Variants in KIF6 observed in about 807,000 individuals in gnomAD.
KIF6 encodes the protein kinesin family member 6, also known as kinesin-like protein KIF6.
Under a neutral mutation model 112.7 loss-of-function variants are expected in KIF6, and 106 were observed. The observed-to-expected ratio is 0.94, with a 90% CI of 0.80 to 1.11. KIF6 has a LOEUF of 1.11. Among genes scored for constraint, KIF6 ranks in the 50% least tolerant of loss-of-function variants. The pLI, the probability that KIF6 is intolerant of heterozygous loss-of-function variation, is 0.00. For synonymous variants in KIF6, 339 were observed against 339.9 expected (o/e 1.00, Z 0.03); for missense variants, 929 against 964.0 (o/e 0.96, Z 0.48).
chr6:39,489,155 A>G (rs894510020), intron 13 of KIF6, among the ~76,000 whole-genome samples: 22 of 152,196 alleles, frequency 1.4e-4, no homozygotes, highest in Admixed American at 3.3e-4. Context: ...GCTATCTTCT[A>G]CTTTCTCTTG....
At chr6:39,636,853 G>T (rs893171431) in intron 4 of KIF6, among the ~76,000 whole-genome samples, 3 of 151,948 alleles carry the variant, frequency 2.0e-5, no homozygotes, top group African/African-American at 7.2e-5. Flanking sequence ...TTTGAATATT[G>T]AAACTCCATT....
intron 13 of KIF6, 193 bp from the exon 14 acceptor site, chr6:39,431,354 C>T (rs779187624): frequency 1.2e-5 from 7 of 564,072 alleles, no homozygotes; most frequent in Admixed American, 6.1e-5. Context: ...CAGTGCCACC[C>T]GCTGCACCCC....
intron 4 of KIF6, among the ~76,000 whole-genome samples, chr6:39,635,602 G>A (rs1196166845): frequency 6.6e-6 from 1 of 152,058 alleles, no homozygotes; most frequent in Admixed American, 6.6e-5. Flanking sequence ...TTAGCTATTA[G>A]ATAGAGAGAA....
chr6:39,340,764 G>A (rs11759440), intron 22 of KIF6, among the ~76,000 whole-genome samples: 6,824 of 152,166 alleles, frequency 0.045, 231 homozygotes, highest in Non-Finnish European at 0.061. Flanking sequence ...CTGGACTTCC[G>A]CCTCTTCTGT....
chr6:39,651,417 G>A (rs1785463943), intron 3 of KIF6, among the ~76,000 whole-genome samples: 1 of 152,170 alleles, frequency 6.6e-6, no homozygotes, highest in Non-Finnish European at 1.5e-5. Context: ...GCGGGGGAGG[G>A]TAGCAGGTGG....
chr6:39,447,477 G>GTTATATTTAACATATTTTAA (rs1179397597), intron 13 of KIF6, among the ~76,000 whole-genome samples: 161 of 152,248 alleles, frequency 1.1e-3, no homozygotes, highest in Admixed American at 2.5e-3. Context: ...AATGTATGCT[G>GTTATATTTAACATATTTTAA]AATCGGTTAT....
At chr6:39,654,427 C>A (rs1785652976) in intron 3 of KIF6, among the ~76,000 whole-genome samples, 1 of 152,154 alleles carries the variant, frequency 6.6e-6, no homozygotes, top group Non-Finnish European at 1.5e-5. Flanking sequence ...CCCATTCTTT[C>A]CTGTCTGTCA....
At chr6:39,588,565 C>T (rs968128643) in intron 7 of KIF6, among the ~76,000 whole-genome samples, 2 of 151,998 alleles carry the variant, frequency 1.3e-5, no homozygotes, top group African/African-American at 4.8e-5. Context: ...CAATTTATAC[C>T]ATCAATCTCA....
At position 39,589,680 on chromosome 6, in the gene KIF6, G is replaced by A. The variant is rs1781826357; in HGVS notation, c.847-3276C>T. On this transcript the variant is annotated intron_variant, in intron 7 of 22. Transcript: ENST00000287152. ...TAAGGAGGAACATCAGATCTGCGGGGGGCATGGTGGCAGAGGCATCTGGTT... is the reference window on the plus strand; with the variant it reads ...TAAGGAGGAACATCAGATCTGCGGGAGGCATGGTGGCAGAGGCATCTGGTT... Among the ~76,000 whole-genome samples the A allele has an allele frequency of 1.3e-5, 2 of 152,168 alleles. 1 individual carries two copies. The highest frequency in any genetic ancestry group is 4.1e-4 in the South Asian group (2 of 4,826).
Position 39,333,387 on chromosome 6 carries a change from T to C in KIF6, c.*3145A>G, listed in dbSNP as rs561011006. 2.0e-5 allele frequency: 3 copies of C among 152,266 alleles called. No individual in the cohort carries two copies. The highest frequency in any genetic ancestry group is 4.4e-5 in the Non-Finnish European group (3 of 68,076). 9.4% of individuals were successfully genotyped at this position (152,266 alleles called of 1,614,324 possible). A position where few individuals can be genotyped will look rare whatever the true frequency, so the allele number is the denominator to read the frequency against. ...TGCCAATAGGTCTTTGGGTGAGCCA[T>C]AGTTCAGCTGATCTGGGCTGGGCTT... On this transcript the variant is annotated 3_prime_UTR_variant, in exon 23 of 23. Coordinates refer to ENST00000287152, the MANE Select transcript of KIF6 (RefSeq NM_145027.6).
At chr6:39,470,789 C>T (rs1774078773) in intron 13 of KIF6, among the ~76,000 whole-genome samples, 1 of 145,688 alleles carries the variant, frequency 6.9e-6, no homozygotes, top group Admixed American at 6.7e-5. Flanking sequence ...CTGGCCTTCC[C>T]AGCATGCAAA....
At position 39,496,447 on chromosome 6, in the gene KIF6, C is replaced by G. The variant is rs1274895079; in HGVS notation, c.1645+43556G>C. Among the ~76,000 whole-genome samples the G allele has an allele frequency of 2.0e-5, 3 of 152,260 alleles. No homozygotes were observed. In the East Asian group the frequency reaches 5.8e-4, roughly 29 times the overall value. Reference sequence around the variant, plus strand: ...TAAATATTAACACATTGAAGACTCACAGTACCCCTGTGAGGGCATAAGTAA... The same window carrying G: ...TAAATATTAACACATTGAAGACTCAGAGTACCCCTGTGAGGGCATAAGTAA... On this transcript the variant is annotated intron_variant, in intron 13 of 22. Coordinates refer to ENST00000287152, the MANE Select transcript of KIF6 (RefSeq NM_145027.6).
chr6:39,485,577 T>G (rs1016947476), intron 13 of KIF6, among the ~76,000 whole-genome samples: 2 of 152,112 alleles, frequency 1.3e-5, no homozygotes, highest in African/African-American at 4.8e-5. Flanking sequence ...GTTTAGCGAT[T>G]CTCAAGTGAA....
rs778625487 is a variant in KIF6 at position 39,357,331 on chromosome 6, A to C, written c.2126T>G (p.Phe709Cys). ...AVNSLDHTKP[F>C]LQTSDSQHEW... ...ATGCTGGGAGTCAGATGTCTGGAGA[A>C]ATGGCTTCGTGTGATCGAGTGAATT... is the stretch of plus-strand genomic sequence containing the variant. Residue 709 changes from phenylalanine to cysteine, a missense_variant, in exon 19 of 23, where the codon TTT (phenylalanine) becomes TGT (cysteine). This residue lies in a region of KIF6 where 241 missense variants were observed against 301.4 expected (regional missense o/e 0.80). Transcript: ENST00000287152. 4 of 1,614,072 alleles carry C rather than the reference A, an allele frequency of 2.5e-6. No individual in the cohort carries two copies. The highest frequency in any genetic ancestry group is 1.7e-5 in the Admixed American group (1 of 60,014).
intron 5 of KIF6, among the ~76,000 whole-genome samples, chr6:39,623,624 G>A (rs1011205235): frequency 1.3e-5 from 2 of 152,194 alleles, no homozygotes; most frequent in Admixed American, 1.3e-4. Context: ...ATAATAGCTG[G>A]CCAGTTGGTC....
chr6:39,656,874 T>C (rs1785819994), intron 3 of KIF6, among the ~76,000 whole-genome samples: 1 of 152,186 alleles, frequency 6.6e-6, no homozygotes, highest in African/African-American at 2.4e-5. Flanking sequence ...GAGGCTCTTC[T>C]TCTATGTCCC....
At chr6:39,484,424 A>G (rs1774993243) in intron 13 of KIF6, among the ~76,000 whole-genome samples, 1 of 152,176 alleles carries the variant, frequency 6.6e-6, no homozygotes, top group Admixed American at 6.5e-5. Context: ...CAAAAGTGCT[A>G]GGAATGCAGG....
chr6:39,553,258 G>T (rs1779492801), intron 10 of KIF6, among the ~76,000 whole-genome samples: 1 of 152,126 alleles, frequency 6.6e-6, no homozygotes, highest in African/African-American at 2.4e-5. Context: ...GGGCCAGAAA[G>T]TTCATGGTTT....
intron 15 of KIF6, among the ~76,000 whole-genome samples, chr6:39,397,318 G>C (rs1039760812): frequency 1.3e-5 from 2 of 152,150 alleles, no homozygotes; most frequent in Admixed American, 6.5e-5. Flanking sequence ...TAATGGTTCT[G>C]TTTTCAGAGC....
Sources: allele counts gnomAD v4.1 joint callset (sites outside exome capture counted in the v4.1 genomes callset), GRCh38; gene constraint gnomAD v4.1.1; regional missense constraint gnomAD v4.1.1; transcripts MANE v1.5; gene names NCBI Gene and HGNC (gene_info 2026-07-23, HGNC 2026-07-21).